GLS: variants seen among roughly 807,000 people sequenced by gnomAD.
The protein encoded by GLS is glutaminase kidney isoform, mitochondrial.
A neutral mutation model predicts 86.7 loss-of-function variants in GLS; 36 were observed. That is an observed-to-expected ratio of 0.42 (90% CI 0.32 to 0.55). GLS has a LOEUF of 0.55. Ranked by LOEUF, GLS falls within the 20% of genes least tolerant of loss-of-function variation. The pLI is 0.17. For missense variants in GLS, 528 were observed against 833.4 expected (o/e 0.63, Z 4.51); for synonymous variants, 317 against 305.9 (o/e 1.04, Z -0.38).
At chr2:190,882,748 T>C (rs1688245773) in intron 1 of GLS, among the ~76,000 whole-genome samples, 1 of 152,230 alleles carries the variant, frequency 6.6e-6, no homozygotes, top group Non-Finnish European at 1.5e-5. Context: ...ATGTTGGTTT[T>C]GTGCCACAAA....
rs1689116750 is a variant in GLS at position 190,905,897 on chromosome 2, TGA to T, written c.979+734_979+735del. 6.6e-6 allele frequency among the ~76,000 whole-genome samples: 1 copy of T among 152,106 alleles called. No individual in the cohort carries two copies. Among genetic ancestry groups the T allele is most frequent in the Non-Finnish European group, 1.5e-5 (1 of 67,962 alleles). On this transcript the variant is annotated intron_variant, in intron 6 of 17. Transcript: ENST00000320717. The surrounding 1 kb of genome is among the most constrained non-coding windows in gnomAD (Gnocchi z 4.6). ...AGTTAAGATATAGAATTGAAGAAAG[TGA>T]GAGCGAAGTTTGTAGTAATGGCTGT... is the stretch of plus-strand genomic sequence containing the variant.
At chr2:190,931,389 C>A (rs754575643) in intron 13 of GLS, among the ~76,000 whole-genome samples, 156 bp from the exon 14 acceptor site, 20 of 152,076 alleles carry the variant, frequency 1.3e-4, no homozygotes, top group Admixed American at 7.9e-4. Context: ...ATATCTTACT[C>A]TGATTTTAGT....
intron 14 of GLS, 35 bp downstream of exon 14, chr2:190,931,672 A>T (rs777889831): frequency 1.0e-6 from 1 of 995,288 alleles, no homozygotes; most frequent in Non-Finnish European, 1.5e-6. Flanking sequence ...AGTATATAAA[A>T]TTTTTAAGAA....
rs1690513229 is a variant in GLS, at chr2:190,943,901, A to T, written c.1651-9664A>T. Among the ~76,000 whole-genome samples, 1 of 152,212 alleles carries T rather than the reference A, an allele frequency of 6.6e-6. No homozygotes were observed. On this transcript the variant is annotated intron_variant, in intron 14 of 17. Coordinates refer to ENST00000320717, the MANE Select transcript of GLS (RefSeq NM_014905.5). This position sits in a 1 kb window ranked among gnomAD's most constrained non-coding sequence, Gnocchi z 4.5. Reference sequence around the variant, plus strand: ...AGTGAAAATGAGGGATTTCTTTTCTAACATTAAAGCAATTAGTAAAGATTG... The same window carrying T: ...AGTGAAAATGAGGGATTTCTTTTCTTACATTAAAGCAATTAGTAAAGATTG...
chr2:190,910,380 C>A, intron 7 of GLS, 59 bp downstream of exon 7: 2 of 793,282 alleles, frequency 2.5e-6, no homozygotes, highest in Non-Finnish European at 4.2e-6. Flanking sequence ...ACAGCTAAGG[C>A]ATAAAGATGA....
rs1397726232 is a variant in GLS, at chr2:190,895,567, A to G, written c.484-37A>G. 2.7e-6 allele frequency: 4 copies of G among 1,468,452 alleles called. No individual in the cohort carries two copies. Among genetic ancestry groups the G allele is most frequent in the Non-Finnish European group, 3.8e-6 (4 of 1,060,258 alleles). 91.0% of individuals were successfully genotyped at this position (1,468,452 alleles called of 1,614,324 possible). ...TGGTATAAGCATATACATTATTTGC[A>G]CTATATATTTACAAACTCTTATTTT... On this transcript the variant is annotated intron_variant, in intron 2 of 17. Transcript: ENST00000320717. This position sits in a 1 kb window ranked among gnomAD's most constrained non-coding sequence, Gnocchi z 4.2.
intron 14 of GLS, among the ~76,000 whole-genome samples, chr2:190,932,052 T>C (rs1003928546): frequency 1.3e-5 from 2 of 152,034 alleles, no homozygotes; most frequent in African/African-American, 4.8e-5. Context: ...GTTTAACTTC[T>C]TGCATACTGT....
Position 190,924,655 on chromosome 2 carries a change from G to T in GLS, c.1248+62G>T. On this transcript the variant is annotated intron_variant, in intron 11 of 17. Transcript: ENST00000320717. The surrounding 1 kb of genome is among the most constrained non-coding windows in gnomAD (Gnocchi z 5.2). ...GTGTCGGCTGGGCACGGTGGCTCAC[G>T]CCTGTAATCCCAGCACTTTGGGAGG... 2 of 903,654 alleles carry T rather than the reference G, an allele frequency of 2.2e-6. No individual in the cohort carries two copies. The highest frequency in any genetic ancestry group is 3.7e-6 in the Non-Finnish European group (2 of 540,714). 56.0% of individuals were successfully genotyped at this position (903,654 alleles called of 1,614,324 possible). A position where few individuals can be genotyped will look rare whatever the true frequency, so the allele number is the denominator to read the frequency against.
Position 190,954,396 on chromosome 2 carries a change from G to A in GLS, c.1713-188G>A, listed in dbSNP as rs1163515383. 1.3e-5 allele frequency among the ~76,000 whole-genome samples: 2 copies of A among 152,180 alleles called. No individual in the cohort carries two copies. The highest frequency in any genetic ancestry group is 1.9e-4 in the East Asian group (1 of 5,204). ...TTACCTAAAAAAAAGCAAAGCTGAGGAAGAGAGGTGAAGTGGCATCTACCC... is the reference window on the plus strand; with the variant it reads ...TTACCTAAAAAAAAGCAAAGCTGAGAAAGAGAGGTGAAGTGGCATCTACCC... On this transcript the variant is annotated intron_variant, in intron 15 of 17. Transcript: ENST00000320717. The surrounding 1 kb of genome is among the most constrained non-coding windows in gnomAD (Gnocchi z 4.0).
rs1491413263 is a variant in GLS, at chr2:190,949,993, CAA to C, written c.1651-3571_1651-3570del. Among the ~76,000 whole-genome samples the C allele has an allele frequency of 4.7e-5, 7 of 148,050 alleles. No homozygotes were observed. Among genetic ancestry groups the C allele is most frequent in the Non-Finnish European group, 1.0e-4 (7 of 67,350 alleles). On this transcript the variant is annotated intron_variant, in intron 14 of 17. Transcript: ENST00000320717. The surrounding 1 kb of genome is among the most constrained non-coding windows in gnomAD (Gnocchi z 4.0). ...GTTAAAAAGGATATAGTTAACAATA[CAA>C]TATATATATATATATGAAGGGGAAA...
At position 190,954,436 on chromosome 2, in the gene GLS, C is replaced by A; in HGVS notation, c.1713-148C>A. On this transcript the variant is annotated intron_variant, in intron 15 of 17. Coordinates refer to ENST00000320717, the MANE Select transcript of GLS (RefSeq NM_014905.5). The surrounding 1 kb of genome is among the most constrained non-coding windows in gnomAD (Gnocchi z 4.0). ...GGCATCTACCCAAAACACCTGTGTA[C>A]TGGTTAATAAGGTCGGTAGTTCCCA... is the stretch of plus-strand genomic sequence containing the variant. 1.6e-6 allele frequency: 1 copy of A among 614,378 alleles called. No homozygotes were observed. Among genetic ancestry groups the A allele is most frequent in the Non-Finnish European group, 2.9e-6 (1 of 342,192 alleles). The allele number at this position is 614,378 out of a possible 1,614,324, so 38.1% of individuals were successfully genotyped here. A position where few individuals can be genotyped will look rare whatever the true frequency, so the allele number is the denominator to read the frequency against.
chr2:190,919,607 ATGT>A (rs907310988), intron 7 of GLS: 1 of 560,584 alleles, frequency 1.8e-6, no homozygotes, highest in African/African-American at 2.0e-5. Context: ...TGTGGTTTAA[ATGT>A]TGTTACATAT....
At position 190,930,622 on chromosome 2, in the gene GLS, G is replaced by A. The variant is rs1347269523; in HGVS notation, c.1557+54G>A. ...GGTGTTACAAGTTGAGCCATCCAAT[G>A]ATTCTTTTTTTTAACCCATTTTCCA... On this transcript the variant is annotated intron_variant, in intron 13 of 17. Transcript: ENST00000320717. This position sits in a 1 kb window ranked among gnomAD's most constrained non-coding sequence, Gnocchi z 5.0. The A allele has an allele frequency of 6.5e-7, 1 of 1,535,856 alleles. No homozygotes were observed. The highest frequency in any genetic ancestry group is 8.9e-7 in the Non-Finnish European group (1 of 1,128,134).
rs1365996196 is a variant in GLS at position 190,943,503 on chromosome 2, AAG to A, written c.1651-10059_1651-10058del. Among the ~76,000 whole-genome samples, 2 of 152,198 alleles carry A rather than the reference AAG, an allele frequency of 1.3e-5. No homozygotes were observed. The highest frequency in any genetic ancestry group is 1.5e-5 in the Non-Finnish European group (1 of 68,030). On this transcript the variant is annotated intron_variant, in intron 14 of 17. Transcript: ENST00000320717. The surrounding 1 kb of genome is among the most constrained non-coding windows in gnomAD (Gnocchi z 4.5). ...ATAGTGCAATATCAGCAGTCAAGGA[AAG>A]AGTATTTTAAGGAGTTTGGAGCATT... is the stretch of plus-strand genomic sequence containing the variant.
At chr2:190,884,618 T>A (rs530772007) in intron 1 of GLS, among the ~76,000 whole-genome samples, 99 of 152,334 alleles carry the variant, frequency 6.5e-4, no homozygotes, top group African/African-American at 2.4e-3. Flanking sequence ...GAATGGTCCC[T>A]AGGAAGAGTC....
chr2:190,909,723 G>C (rs1272970755), intron 6 of GLS, among the ~76,000 whole-genome samples: 1 of 152,092 alleles, frequency 6.6e-6, no homozygotes. Context: ...TACCTTTATT[G>C]TCAGGAAATA....
chr2:190,883,335 T>C (rs1688268974), intron 1 of GLS, among the ~76,000 whole-genome samples: 1 of 152,244 alleles, frequency 6.6e-6, no homozygotes, highest in Non-Finnish European at 1.5e-5. Flanking sequence ...ATTTCTCTTA[T>C]CCTGGGAGGT....
At chr2:190,894,707 A>G (rs2125981948) in intron 1 of GLS, among the ~76,000 whole-genome samples, 1 of 152,336 alleles carries the variant, frequency 6.6e-6, no homozygotes, top group South Asian at 2.1e-4. Context: ...TATCTCTCCC[A>G]GATTTTATAA....
chr2:190,940,645 G>C (rs892853815), intron 14 of GLS, among the ~76,000 whole-genome samples: 6 of 151,780 alleles, frequency 4.0e-5, no homozygotes, highest in South Asian at 2.1e-4. Context: ...TTTCCCACTT[G>C]TGTGACCTTA....
Sources: gnomAD v4.1 joint callset for allele counts (sites outside exome capture counted in the v4.1 genomes callset) on GRCh38, gnomAD v4.1.1 for gene constraint, Gnocchi (gnomAD v3.1) non-coding constraint, MANE v1.5 for transcripts, NCBI Gene and HGNC (gene_info 2026-07-23, HGNC 2026-07-21) for gene names.